LEPR: variants seen among roughly 807,000 people sequenced by gnomAD.
LEPR encodes OB receptor.
In LEPR, 56 loss-of-function variants were observed where a neutral mutation model predicts 114.7. The observed-to-expected ratio is 0.49, with a 90% CI of 0.39 to 0.61. LEPR has a LOEUF of 0.61. Ranked by LOEUF, LEPR falls within the 20% of genes least tolerant of loss-of-function variation. The probability of loss-of-function intolerance (pLI) is 0.00; values close to 1 mark genes in which losing one functional copy is unlikely to be tolerated. For missense variants in LEPR, 1,202 were observed against 1,352.9 expected (o/e 0.89, Z 1.75); for synonymous variants, 443 against 461.4 (o/e 0.96, Z 0.51).
At chr1:65,530,014 C>A (rs1424637322) in intron 2 of LEPR, among the ~76,000 whole-genome samples, 1 of 152,168 alleles carries the variant, frequency 6.6e-6, no homozygotes, top group Non-Finnish European at 1.5e-5. Context: ...ATAGCTCAAG[C>A]CTTGACTGCT....
intron 10 of LEPR, among the ~76,000 whole-genome samples, chr1:65,603,022 TTAACATTTACAGAA>T (rs1656547210): frequency 2.0e-5 from 3 of 152,314 alleles, no homozygotes; most frequent in Middle Eastern, 6.8e-3. Context: ...GTTTCTCTTA[TTAACATTTACAGAA>T]TAACTATGAA....
rs563400904 is a variant in LEPR at position 65,531,170 on chromosome 1, A to T, written c.-20-34376A>T. ...TTCCTACTGTTCTTCCTTTCACTTT[A>T]CTCAGTTCCAGCCACACTGGGCTCC... On this transcript the variant is annotated intron_variant, in intron 2 of 19. Coordinates refer to ENST00000349533, the MANE Select transcript of LEPR (RefSeq NM_002303.6). Among the ~76,000 whole-genome samples the T allele has an allele frequency of 4.3e-3, 648 of 151,868 alleles. 5 individuals carry two copies. The highest frequency in any genetic ancestry group is 0.015 in the African/African-American group (614 of 41,406).
intron 2 of LEPR, among the ~76,000 whole-genome samples, chr1:65,472,277 G>A (rs550748587): frequency 6.6e-6 from 1 of 152,104 alleles, no homozygotes; most frequent in South Asian, 2.1e-4. Context: ...AGACCAGATG[G>A]TGTAATTCAT....
intron 6 of LEPR, among the ~76,000 whole-genome samples, chr1:65,593,546 A>G (rs911031053): frequency 6.6e-6 from 1 of 152,058 alleles, no homozygotes; most frequent in Non-Finnish European, 1.5e-5. Context: ...TTCTCCACTT[A>G]TATTTCCTGA....
At chr1:65,452,261 A>T (rs953177859) in intron 2 of LEPR, among the ~76,000 whole-genome samples, 7 of 151,924 alleles carry the variant, frequency 4.6e-5, no homozygotes, top group Non-Finnish European at 8.8e-5. Flanking sequence ...CTAATTGAAT[A>T]CCCTTTATTT....
rs1646340936 is a variant in LEPR at position 65,425,395 on chromosome 1, A to G, written c.-21+17A>G. The G allele has an allele frequency of 1.1e-5, 17 of 1,582,550 alleles. No individual in the cohort carries two copies. The highest frequency in any genetic ancestry group is 1.5e-5 in the Non-Finnish European group (17 of 1,166,134). On this transcript the variant is annotated intron_variant, in intron 2 of 19. Coordinates refer to ENST00000349533, the MANE Select transcript of LEPR (RefSeq NM_002303.6). The stretch of plus-strand genomic sequence containing the variant: ...GGATTATGGGTAAGTTATCATTTCA[A>G]AAAGAACTATTCCTCTTTCTGTGTC...
At chr1:65,519,762 G>C (rs1336975371) in intron 2 of LEPR, among the ~76,000 whole-genome samples, 1 of 151,886 alleles carries the variant, frequency 6.6e-6, no homozygotes, top group Admixed American at 6.6e-5. Context: ...CTTGACTTTT[G>C]AGTTTGAGCA....
intron 8 of LEPR, among the ~76,000 whole-genome samples, chr1:65,600,971 A>G (rs1656404486): frequency 6.6e-6 from 1 of 151,920 alleles, no homozygotes; most frequent in South Asian, 2.1e-4. Context: ...TTACTTCAGG[A>G]TTTGGCTTCA....
At chr1:65,516,957 G>A (rs113407624) in intron 2 of LEPR, among the ~76,000 whole-genome samples, 3,089 of 152,242 alleles carry the variant, frequency 0.02, 48 homozygotes, top group Admixed American at 0.028. Context: ...ACACGAAATC[G>A]CAAAAGAAAG....
chr1:65,476,437 C>T lies in LEPR; in HGVS notation c.-21+51059C>T, dbSNP rs114033702. ...GGGGTGGACATAGCCTCAGAACTCC[C>T]GGAGCTTGTGGTCCAATAGCTCAGT... is the stretch of plus-strand genomic sequence containing the variant. On this transcript the variant is annotated intron_variant, in intron 2 of 19. Transcript: ENST00000349533. 5.2e-3 allele frequency among the ~76,000 whole-genome samples: 786 copies of T among 152,200 alleles called. 3 individuals are homozygous for T. Among genetic ancestry groups the T allele is most frequent in the African/African-American group, 0.018 (727 of 41,516 alleles).
At chr1:65,499,913 T>G (rs937691421) in intron 2 of LEPR, among the ~76,000 whole-genome samples, 2 of 152,128 alleles carry the variant, frequency 1.3e-5, no homozygotes, top group Admixed American at 1.3e-4. Flanking sequence ...GTTCTGACCC[T>G]GACCTAGTTG....
At chr1:65,548,377 G>C (rs536527198) in intron 2 of LEPR, among the ~76,000 whole-genome samples, 2 of 152,010 alleles carry the variant, frequency 1.3e-5, no homozygotes, top group East Asian at 3.9e-4. Context: ...AACTTTCTCT[G>C]TCGTTGATCT....
At chr1:65,470,614 T>G (rs1647071562) in intron 2 of LEPR, among the ~76,000 whole-genome samples, 1 of 152,216 alleles carries the variant, frequency 6.6e-6, no homozygotes, top group Non-Finnish European at 1.5e-5. Context: ...AAATTTCTGA[T>G]TTTAGTGGGA....
At chr1:65,508,951 G>A (rs1648893551) in intron 2 of LEPR, among the ~76,000 whole-genome samples, 1 of 151,850 alleles carries the variant, frequency 6.6e-6, no homozygotes, top group African/African-American at 2.4e-5. Flanking sequence ...TGATACTAAT[G>A]TAAATGGGAT....
At chr1:65,469,400 G>T (rs1455257688) in intron 2 of LEPR, among the ~76,000 whole-genome samples, 2 of 152,208 alleles carry the variant, frequency 1.3e-5, no homozygotes, top group African/African-American at 4.8e-5. Context: ...GATGATTTGA[G>T]TAAAGAATCA....
intron 8 of LEPR, among the ~76,000 whole-genome samples, chr1:65,600,540 C>T (rs1366861081): frequency 6.6e-6 from 1 of 152,056 alleles, no homozygotes. Context: ...AGTCTATCAA[C>T]AGAAAATGGT....
chr1:65,445,077 G>C (rs1646696952), intron 2 of LEPR, among the ~76,000 whole-genome samples: 1 of 152,186 alleles, frequency 6.6e-6, no homozygotes, highest in African/African-American at 2.4e-5. Context: ...GGACACTTTT[G>C]AGAGCAGAAG....
chr1:65,495,305 A>T (rs1648098144), intron 2 of LEPR, among the ~76,000 whole-genome samples: 1 of 152,228 alleles, frequency 6.6e-6, no homozygotes, highest in African/African-American at 2.4e-5. Context: ...AAATGCTAAT[A>T]TCTCTAATCA....
chr1:65,547,089 G>A (rs929803032), intron 2 of LEPR, among the ~76,000 whole-genome samples: 5 of 151,784 alleles, frequency 3.3e-5, no homozygotes, highest in Non-Finnish European at 7.4e-5. Flanking sequence ...CTTTGGTTCT[G>A]TTTATATGCT....
Sources: allele counts gnomAD v4.1 joint callset (sites outside exome capture counted in the v4.1 genomes callset), GRCh38; gene constraint gnomAD v4.1.1; transcripts MANE v1.5; gene names NCBI Gene and HGNC (gene_info 2026-07-23, HGNC 2026-07-21).